TMEM9B: variants seen among roughly 807,000 people sequenced by gnomAD.
The protein encoded by TMEM9B is TMEM9 domain family member B, also known as transmembrane protein 9B.
A neutral mutation model predicts 23.5 loss-of-function variants in TMEM9B; 8 were observed. The ratio of observed to expected loss-of-function variants is 0.34; its 90% CI spans 0.20 to 0.61. TMEM9B has a LOEUF of 0.61. TMEM9B is among the 20% of genes least tolerant of loss of function. The probability of loss-of-function intolerance (pLI) is 0.78; values close to 1 mark genes in which losing one functional copy is unlikely to be tolerated. For synonymous variants in TMEM9B, 106 were observed against 96.3 expected (o/e 1.10, Z -0.59); for missense variants, 197 against 252.3 (o/e 0.78, Z 1.49).
Position 8,962,169 on chromosome 11 carries a change from G to T in TMEM9B, c.120C>A (p.Val40=). The change falls in exon 2 of 5, where the codon GTC becomes GTA. Residue 40 remains valine (V), a synonymous_variant. Transcript: ENST00000534025. The part of the protein sequence containing the change: ...LSDAAKNFED[V]RCKCICPPYK... Reference sequence around the variant, plus strand: ...AGGGAGGGCAGATACATTTACATCTGACATCCTCGAAATTCTGTAACCAAA... The same window carrying T: ...AGGGAGGGCAGATACATTTACATCTTACATCCTCGAAATTCTGTAACCAAA... The T allele has an allele frequency of 2.5e-6, 4 of 1,600,558 alleles. No individual in the cohort carries two copies. In the South Asian group the frequency reaches 3.4e-5, roughly 14 times the overall value.
At chr11:8,948,726 A>G (rs1404328995) in intron 4 of TMEM9B, among the ~76,000 whole-genome samples, 3 of 152,206 alleles carry the variant, frequency 2.0e-5, no homozygotes, top group Admixed American at 1.3e-4. Flanking sequence ...TGCCATTTCC[A>G]AAGATATTTC....
Position 8,947,674 on chromosome 11 carries a change from A to C in TMEM9B, c.*646T>G, listed in dbSNP as rs902671069. 4 of 152,922 alleles carry C rather than the reference A, an allele frequency of 2.6e-5. No homozygotes were observed. Among genetic ancestry groups the C allele is most frequent in the South Asian group, 2.1e-4 (1 of 4,836 alleles). The allele number at this position is 152,922 out of a possible 1,614,324, so 9.5% of individuals were successfully genotyped here. A position where few individuals can be genotyped will look rare whatever the true frequency, so the allele number is the denominator to read the frequency against. On this transcript the variant is annotated 3_prime_UTR_variant, in exon 5 of 5. Transcript: ENST00000534025. The stretch of plus-strand genomic sequence containing the variant: ...TGCATTGCATCAGACATCACAGTAC[A>C]TGAAGAAAATCTGCTTTTTGTGAAA...
chr11:8,948,452 T>C lies in TMEM9B; in HGVS notation c.465A>G (p.Ala155=), dbSNP rs977216083. 1 of 1,613,970 alleles carries C rather than the reference T, an allele frequency of 6.2e-7. No homozygotes were observed. Among genetic ancestry groups the C allele is most frequent in the African/African-American group, 1.3e-5 (1 of 74,924 alleles). ...TGCGGGAGCGGGCTAGCACATCGTGTGCATTTGCAAAAGGCTGGTGATCCT... is the reference window on the plus strand; with the variant it reads ...TGCGGGAGCGGGCTAGCACATCGTGCGCATTTGCAAAAGGCTGGTGATCCT... The part of the protein sequence containing the change: ...DIGDHQPFAN[A]HDVLARSRSR... The change falls in exon 5 of 5, where the codon GCA becomes GCG. Residue 155 remains alanine, a synonymous_variant. Transcript: ENST00000534025.
rs1323629398 is a variant in TMEM9B, at chr11:8,948,283, C to T, written c.*37G>A. The T allele has an allele frequency of 6.3e-7, 1 of 1,598,996 alleles. No homozygotes were observed. The highest frequency in any genetic ancestry group is 8.5e-7 in the Non-Finnish European group (1 of 1,171,220). On this transcript the variant is annotated 3_prime_UTR_variant, in exon 5 of 5. Coordinates refer to ENST00000534025, the MANE Select transcript of TMEM9B (RefSeq NM_020644.3). ...CCAGTCAGTTCTTTCCAGTTGTCTG[C>T]CTGTTTCTTTCTAGTCACCTTGAAT...
At position 8,948,478 on chromosome 11, in the gene TMEM9B, A is replaced by G; in HGVS notation, c.442-3T>C. 1 of 1,613,664 alleles carries G rather than the reference A, an allele frequency of 6.2e-7. No individual in the cohort carries two copies. Among genetic ancestry groups the G allele is most frequent in the African/African-American group, 1.3e-5 (1 of 75,046 alleles). ...GCATTTGCAAAAGGCTGGTGATCCT[A>G]AAAGTCCAGGAATGGAGAACATTAG... On this transcript the variant is annotated splice_polypyrimidine_tract_variant and splice_region_variant and intron_variant, in intron 4 of 4. Transcript: ENST00000534025.
upstream of TMEM9B, chr11:8,964,478 T>C: frequency 1.4e-6 from 2 of 1,419,556 alleles, no homozygotes; most frequent in Non-Finnish European, 9.1e-7. Flanking sequence ...CCGGGTCAGA[T>C]GCAAAAAGCA....
At chr11:8,950,008 C>T (rs56680262) in intron 4 of TMEM9B, among the ~76,000 whole-genome samples, 31,202 of 151,686 alleles carry the variant, frequency 0.21, 3,330 homozygotes, top group East Asian at 0.36. Context: ...AAGTGATCCT[C>T]CTGCCTCAGC....
Position 8,956,214 on chromosome 11 carries a change from T to C in TMEM9B, c.282A>G (p.Glu94=). 1 of 1,613,736 alleles carries C rather than the reference T, an allele frequency of 6.2e-7. No homozygotes were observed. Among genetic ancestry groups the C allele is most frequent in the East Asian group, 2.2e-5 (1 of 44,874 alleles). The change falls in exon 3 of 5, where the codon GAA becomes GAG. Residue 94 remains glutamate, a synonymous_variant. Coordinates refer to ENST00000534025, the MANE Select transcript of TMEM9B (RefSeq NM_020644.3). ...AYCLRCECKY[E]ERSSVTIKVT... The stretch of plus-strand genomic sequence containing the variant: ...CCTTGATTGTGACAGAGCTTCTTTC[T>C]TCATATTTGCATTCACAGCGTAGAC...
chr11:8,953,312 A>T lies in TMEM9B; in HGVS notation c.332T>A (p.Ile111Asn). The change falls in exon 4 of 5, where the codon ATT becomes AAT. Residue 111 changes from isoleucine to asparagine, a missense_variant. Coordinates refer to ENST00000534025, the MANE Select transcript of TMEM9B (RefSeq NM_020644.3). ...IKVTIIIYLS[I>N]LGLLLLYMVY... is the part of the protein sequence containing the mutation. ...CATGTACAGAAGTAGAAGGCCCAAAATGGAGAGATAAATTATAATGGTAAC... is the reference window on the plus strand; with the variant it reads ...CATGTACAGAAGTAGAAGGCCCAAATTGGAGAGATAAATTATAATGGTAAC... 6.2e-7 allele frequency: 1 copy of T among 1,614,034 alleles called. No homozygotes were observed. Among genetic ancestry groups the T allele is most frequent in the Non-Finnish European group, 8.5e-7 (1 of 1,179,986 alleles).
intron 3 of TMEM9B, among the ~76,000 whole-genome samples, chr11:8,955,283 A>T (rs1354727812): frequency 6.6e-6 from 1 of 152,132 alleles, no homozygotes; most frequent in Non-Finnish European, 1.5e-5. Flanking sequence ...CCTTTTTGGC[A>T]CCAGGGACGG....
chr11:8,951,626 C>T (rs1190307430), intron 4 of TMEM9B, among the ~76,000 whole-genome samples: 8 of 150,908 alleles, frequency 5.3e-5, no homozygotes, highest in Admixed American at 6.6e-5. Context: ...GGCGCGATGG[C>T]GGGCGCCTGT....
intron 1 of TMEM9B, among the ~76,000 whole-genome samples, chr11:8,963,333 T>C (rs1854113996): frequency 2.0e-5 from 3 of 152,356 alleles, no homozygotes; most frequent in African/African-American, 4.8e-5. Flanking sequence ...AAAGCTCTTA[T>C]TTTTAAAAAC....
At chr11:8,951,250 G>C (rs1443317583) in intron 4 of TMEM9B, among the ~76,000 whole-genome samples, 1 of 152,176 alleles carries the variant, frequency 6.6e-6, no homozygotes, top group Non-Finnish European at 1.5e-5. Flanking sequence ...TGTCGTTTAA[G>C]ACTTTCAACG....
At chr11:8,950,434 G>T (rs926857669) in intron 4 of TMEM9B, among the ~76,000 whole-genome samples, 7 of 152,222 alleles carry the variant, frequency 4.6e-5, no homozygotes, top group Non-Finnish European at 7.3e-5. Flanking sequence ...ATACTGGGAA[G>T]AAGGATGTAC....
At chr11:8,962,609 T>A in intron 1 of TMEM9B, 1 of 164,116 alleles carries the variant, frequency 6.1e-6, no homozygotes, top group Non-Finnish European at 1.3e-5. Context: ...CTATCATCCT[T>A]TCACCCTCTG....
Position 8,960,138 on chromosome 11 carries a change from G to GT in TMEM9B, c.197+1953dup, listed in dbSNP as rs10550659. 5.7e-3 allele frequency among the ~76,000 whole-genome samples: 480 copies of GT among 83,634 alleles called. 13 individuals carry two copies. The highest frequency in any genetic ancestry group is 0.017 in the African/African-American group (404 of 23,428). 54.9% of individuals were successfully genotyped at this position (83,634 alleles called of 152,430 possible). The stretch of plus-strand genomic sequence containing the variant: ...TCAACTGTTTATTTTCTTTGTTTCT[G>GT]TTTTTTTTTTTTTTTTTTTTTTGAG... On this transcript the variant is annotated intron_variant, in intron 2 of 4. Transcript: ENST00000534025.
At chr11:8,964,690 C>T (rs1386462710), upstream of TMEM9B, 2 of 209,092 alleles carry the variant, frequency 9.6e-6, no homozygotes, top group Non-Finnish European at 1.9e-5. Context: ...CTGGAAAGTC[C>T]TCCCGCCCAC....
At chr11:8,948,685 GAC>G (rs1853821499) in intron 4 of TMEM9B, among the ~76,000 whole-genome samples, 1 of 152,150 alleles carries the variant, frequency 6.6e-6, no homozygotes, top group Non-Finnish European at 1.5e-5. Context: ...CATAAGCGAT[GAC>G]AGAGTATTTG....
intron 1 of TMEM9B, chr11:8,963,856 G>GT (rs1566126173): frequency 3.8e-6 from 1 of 262,650 alleles, no homozygotes; most frequent in African/African-American, 2.3e-5. Context: ...AGAGCTTAGG[G>GT]TGGAAAGTTA....
Sources: allele counts gnomAD v4.1 joint callset (sites outside exome capture counted in the v4.1 genomes callset), GRCh38; gene constraint gnomAD v4.1.1; transcripts MANE v1.5; gene names NCBI Gene and HGNC (gene_info 2026-07-23, HGNC 2026-07-21).